Variants in CST4 observed in about 807,000 individuals in gnomAD.
CST4 encodes the protein cystatin-S.
Under a neutral mutation model 11.2 loss-of-function variants are expected in CST4, and 17 were observed. The observed-to-expected ratio is 1.52, with a 90% CI of 1.04 to 2.27. CST4 has a LOEUF of 2.27. Among genes scored for constraint, CST4 ranks in the 30% most tolerant of loss-of-function variants. The pLI, the probability that CST4 is intolerant of heterozygous loss-of-function variation, is 0.00. For missense variants in CST4, 251 were observed against 180.2 expected (o/e 1.39, Z -2.25); for synonymous variants, 93 against 70.1 (o/e 1.33, Z -1.63).
chr20:23,688,824 T>C lies in CST4; in HGVS notation c.146A>G (p.His49Arg). The change falls in exon 1 of 3, where the codon CAC (histidine) becomes CGC (arginine). Residue 49 changes from histidine (H) to arginine (R), a missense_variant. Transcript: ENST00000217423. ...LNDEWVQRAL[H>R]FAISEYNKAT... ...CTTGTTGTACTCGCTGATGGCGAAGTGAAGGGCACGCTGTACCCACTCATC... is the reference window on the plus strand; with the variant it reads ...CTTGTTGTACTCGCTGATGGCGAAGCGAAGGGCACGCTGTACCCACTCATC... 8 of 1,614,134 alleles carry C rather than the reference T, an allele frequency of 5.0e-6. No homozygotes were observed. Among genetic ancestry groups the C allele is most frequent in the Non-Finnish European group, 4.2e-6 (5 of 1,180,016 alleles).
chr20:23,686,483 T>C (rs1021309059), intron 2 of CST4, among the ~76,000 whole-genome samples: 27 of 152,166 alleles, frequency 1.8e-4, no homozygotes, highest in Non-Finnish European at 3.4e-4. Context: ...TGGTGTTGGG[T>C]GAGCCGGGCA....
chr20:23,686,421 C>A (rs2405675), intron 2 of CST4, among the ~76,000 whole-genome samples: 1 of 152,094 alleles, frequency 6.6e-6, no homozygotes, highest in South Asian at 2.1e-4. Flanking sequence ...AGGGGAGTGC[C>A]GCTCTCCCCT....
Position 23,687,158 on chromosome 20 carries a change from C to T in CST4, c.272G>A (p.Arg91His), listed in dbSNP as rs566705538. The change falls in exon 2 of 3, where the codon CGC (arginine) becomes CAC (histidine). Residue 91 changes from arginine (R) to histidine (H), a missense_variant. Coordinates refer to ENST00000217423, the MANE Select transcript of CST4 (RefSeq NM_001899.3). ...VNYFFDVEVG[R>H]TICTKSQPNL... Reference sequence around the variant, plus strand: ...GGGCTGGGACTTGGTACATATGGTGCGGCCCACCTCTACGTCGAAGAAGTA... The same window carrying T: ...GGGCTGGGACTTGGTACATATGGTGTGGCCCACCTCTACGTCGAAGAAGTA... 2.5e-5 allele frequency: 40 copies of T among 1,614,080 alleles called. No individual in the cohort carries two copies. Among genetic ancestry groups the T allele is most frequent in the Admixed American group, 6.7e-5 (4 of 60,022 alleles).
Position 23,685,852 on chromosome 20 carries a change from G to A in CST4, c.*42C>T. 4 of 1,599,414 alleles carry A rather than the reference G, an allele frequency of 2.5e-6. No individual in the cohort carries two copies. Among genetic ancestry groups the A allele is most frequent in the South Asian group, 2.2e-5 (2 of 90,692 alleles). On this transcript the variant is annotated 3_prime_UTR_variant, in exon 3 of 3. Transcript: ENST00000217423. Reference sequence around the variant, plus strand: ...CAGGGGTGGGAGCACTACAGTGGGTGGGAGTGGGTGGTGGTCGGTGTGACT... The same window carrying A: ...CAGGGGTGGGAGCACTACAGTGGGTAGGAGTGGGTGGTGGTCGGTGTGACT...
At position 23,687,044 on chromosome 20, in the gene CST4, C is replaced by G. The variant is rs767898600; in HGVS notation, c.342+44G>C. 3 of 1,613,038 alleles carry G rather than the reference C, an allele frequency of 1.9e-6. No individual in the cohort carries two copies. In the South Asian group the frequency reaches 3.3e-5, roughly 18 times the overall value. On this transcript the variant is annotated intron_variant, in intron 2 of 2. Transcript: ENST00000217423. ...GACAGAGGCTGACACATACGCACCC[C>G]TCTGCAGTGCATGACTGGCCCGGGA...
At position 23,687,137 on chromosome 20, in the gene CST4, T is replaced by C. The variant is rs1981073039; in HGVS notation, c.293A>G (p.Gln98Arg). ...GAAGGCACAGGTGTCCAAGTTGGGC[T>C]GGGACTTGGTACATATGGTGCGGCC... ...EVGRTICTKS[Q>R]PNLDTCAFHE... Residue 98 changes from glutamine to arginine, a missense_variant, in exon 2 of 3, where the codon CAG (glutamine) becomes CGG (arginine). Transcript: ENST00000217423. The C allele has an allele frequency of 1.2e-6, 2 of 1,614,042 alleles. No homozygotes were observed. Among genetic ancestry groups the C allele is most frequent in the Admixed American group, 1.7e-5 (1 of 59,996 alleles).
At position 23,688,912 on chromosome 20, in the gene CST4, C is replaced by G; in HGVS notation, c.58G>C (p.Ala20Pro). The change falls in exon 1 of 3, where the codon GCC (alanine) becomes CCC (proline). Residue 20 changes from alanine to proline, a missense_variant. Coordinates refer to ENST00000217423, the MANE Select transcript of CST4 (RefSeq NM_001899.3). ...CTATTCTCCTCCTTGGAGCTCGAGG[C>G]CAGAGCCCCAGCCAGGGTAGCCATC... ...LLMATLAGAL[A>P]SSSKEENRII... 6.2e-7 allele frequency: 1 copy of G among 1,614,196 alleles called. No homozygotes were observed. The highest frequency in any genetic ancestry group is 8.5e-7 in the Non-Finnish European group (1 of 1,180,032).
Position 23,685,790 on chromosome 20 carries a change from C to T in CST4, c.*104G>A, listed in dbSNP as rs375509845. On this transcript the variant is annotated 3_prime_UTR_variant, in exon 3 of 3. Transcript: ENST00000217423. The stretch of plus-strand genomic sequence containing the variant: ...CTCTGTCTGTCTCTTGGCACAGGCA[C>T]ATGGGGAGGCCTCCCGCAGGGTGGG... 9.5e-5 allele frequency: 113 copies of T among 1,195,140 alleles called. 1 individual carries two copies. The East Asian group carries it at 2.4e-3, about 26-fold the overall frequency. The allele number at this position is 1,195,140 out of a possible 1,614,324, so 74.0% of individuals were successfully genotyped here.
In CST4 at chr20:23,688,836, T is replaced by G; in HGVS notation, c.134A>C (p.Gln45Pro). The G allele has an allele frequency of 6.2e-7, 1 of 1,614,164 alleles. No homozygotes were observed. Among genetic ancestry groups the G allele is most frequent in the Non-Finnish European group, 8.5e-7 (1 of 1,180,002 alleles). ...GCTGATGGCGAAGTGAAGGGCACGC[T>G]GTACCCACTCATCATTGAGGTCTGC... ...YDADLNDEWV[Q>P]RALHFAISEY... is the part of the protein sequence containing the mutation. The change falls in exon 1 of 3, where the codon CAG becomes CCG. Residue 45 changes from glutamine to proline, a missense_variant. Gln to Pro is a moderately conservative substitution (Grantham distance 76). Transcript: ENST00000217423.
At chr20:23,686,966 A>T (rs1230620786) in intron 2 of CST4, 122 bp downstream of exon 2, 29 of 1,041,402 alleles carry the variant, frequency 2.8e-5, no homozygotes, top group Non-Finnish European at 4.0e-5. Context: ...ATCCATGCAT[A>T]CACGGCTCCC....
chr20:23,687,235 C>T (rs754851855), intron 1 of CST4, 34 bp from the exon 2 acceptor site: 18 of 1,611,556 alleles, frequency 1.1e-5, no homozygotes, highest in Middle Eastern at 3.3e-4. Flanking sequence ...GCACGGACAG[C>T]GCCCCCATCA....
chr20:23,688,258 G>T (rs1431079125), intron 1 of CST4, among the ~76,000 whole-genome samples: 1 of 152,226 alleles, frequency 6.6e-6, no homozygotes, highest in African/African-American at 2.4e-5. Context: ...GCAGGGGTGG[G>T]TCAGCCTGCC....
intron 2 of CST4, among the ~76,000 whole-genome samples, 171 bp from the exon 3 acceptor site, chr20:23,686,148 A>G (rs947272228): frequency 1.3e-5 from 2 of 152,066 alleles, no homozygotes; most frequent in Admixed American, 6.5e-5. Flanking sequence ...TGACTGTACC[A>G]TTACCCCTCC....
At position 23,688,814 on chromosome 20, in the gene CST4, G is replaced by A. The variant is rs13044734; in HGVS notation, c.156C>T (p.Ile52=). The A allele has an allele frequency of 8.4e-3, 13,524 of 1,614,164 alleles. 62 individuals carry two copies. Among genetic ancestry groups the A allele is most frequent in the Non-Finnish European group, 9.8e-3 (11,623 of 1,180,022 alleles). The stretch of plus-strand genomic sequence containing the variant: ...CTTCGGTGGCCTTGTTGTACTCGCT[G>A]ATGGCGAAGTGAAGGGCACGCTGTA... ...EWVQRALHFA[I]SEYNKATEDE... The change falls in exon 1 of 3, where the codon ATC becomes ATT. Residue 52 remains isoleucine (I), a synonymous_variant. Transcript: ENST00000217423.
At chr20:23,686,050 T>C in intron 2 of CST4, 73 bp from the exon 3 acceptor site, 2 of 1,509,406 alleles carry the variant, frequency 1.3e-6, no homozygotes, top group Admixed American at 1.7e-5. Context: ...GCATGAGATG[T>C]CACAGCCTGG....
At chr20:23,688,657 G>A (rs2122561977) in intron 1 of CST4, 85 bp downstream of exon 1, 5 of 1,228,336 alleles carry the variant, frequency 4.1e-6, no homozygotes, top group Non-Finnish European at 5.9e-6. Flanking sequence ...GAATGTGTCA[G>A]TGTTGATTTG....
Position 23,687,189 on chromosome 20 carries a change from C to G in CST4, c.241G>C (p.Val81Leu). The change falls in exon 2 of 3, where the codon GTG (valine) becomes CTG (leucine). Residue 81 changes from valine (V) to leucine (L), a missense_variant. Physicochemically the swap from Val to Leu is conservative, Grantham distance 32. Transcript: ENST00000217423. ...ACCTCTACGTCGAAGAAGTAATTCACCCCCCCAAAGGTCTGCACACAGGAG... is the reference window on the plus strand; with the variant it reads ...ACCTCTACGTCGAAGAAGTAATTCAGCCCCCCAAAGGTCTGCACACAGGAG... ...LRAREQTFGGVNYFFDVEVGR... is the reference protein window; with the variant it reads ...LRAREQTFGGLNYFFDVEVGR... The G allele has an allele frequency of 1.2e-6, 2 of 1,613,782 alleles. No homozygotes were observed. The highest frequency in any genetic ancestry group is 2.7e-5 in the African/African-American group (2 of 74,848).
chr20:23,688,644 C>A, intron 1 of CST4, 98 bp downstream of exon 1: 1 of 1,123,564 alleles, frequency 8.9e-7, no homozygotes. Context: ...AGCATTAGAT[C>A]ATGAATGTGT....
Position 23,688,970 on chromosome 20 carries a change from G to T in CST4, c.-1C>A. ...GCAGGGTACACAGAGGCCGGGCCAT[G>T]GTCTCCTCAGAGGCAGAGCACAAAG... On this transcript the variant is annotated 5_prime_UTR_variant, in exon 1 of 3. Coordinates refer to ENST00000217423, the MANE Select transcript of CST4 (RefSeq NM_001899.3). 1 of 1,613,688 alleles carries T rather than the reference G, an allele frequency of 6.2e-7. No homozygotes were observed. The highest frequency in any genetic ancestry group is 1.3e-5 in the African/African-American group (1 of 75,022).
Sources: gnomAD v4.1 joint callset for allele counts (sites outside exome capture counted in the v4.1 genomes callset) on GRCh38, gnomAD v4.1.1 for gene constraint, MANE v1.5 for transcripts, NCBI Gene and HGNC (gene_info 2026-07-23, HGNC 2026-07-21) for gene names.